RBPJ: variants seen among roughly 807,000 people sequenced by gnomAD.
RBPJ encodes the protein recombining binding protein suppressor of hairless.
Under a neutral mutation model 67.8 loss-of-function variants are expected in RBPJ, and 9 were observed. The ratio of observed to expected loss-of-function variants is 0.13; its 90% CI spans 0.08 to 0.23. The LOEUF (loss-of-function observed/expected upper bound fraction) is 0.23, where lower values mean the gene tolerates loss of function less well. Ranked by LOEUF, RBPJ falls within the 10% of genes least tolerant of loss-of-function variation. The probability of loss-of-function intolerance (pLI) is 1.00; values close to 1 mark genes in which losing one functional copy is unlikely to be tolerated. For missense variants in RBPJ, 305 were observed against 595.6 expected (o/e 0.51, Z 5.08); for synonymous variants, 198 against 203.3 (o/e 0.97, Z 0.22).
chr4:26,173,856 G>A (rs372267335), intron 1 of RBPJ, among the ~76,000 whole-genome samples: 1 of 152,228 alleles, frequency 6.6e-6, no homozygotes, highest in East Asian at 1.9e-4. Flanking sequence ...TGGGCAGCCG[G>A]AGCCCTGTGA....
intron 1 of RBPJ, among the ~76,000 whole-genome samples, chr4:26,286,271 G>A (rs1031219356): frequency 1.3e-5 from 2 of 151,908 alleles, no homozygotes; most frequent in African/African-American, 4.8e-5. Flanking sequence ...TTGAGCCCAG[G>A]AGTTTGAGAG....
In RBPJ at chr4:26,258,725, C is replaced by A. The variant is rs1295440453; in HGVS notation, c.-167+95111C>A. On this transcript the variant is annotated intron_variant, in intron 1 of 4. Transcript: ENST00000512351. ...AGAACTGAGGGTTTCGGGAATTTAA[C>A]CCTATCGATGCAGTCTTTTTTAGAT... Among the ~76,000 whole-genome samples the A allele has an allele frequency of 2.6e-5, 4 of 152,164 alleles. No homozygotes were observed. In the East Asian group the frequency reaches 7.7e-4, roughly 29 times the overall value.
chr4:26,372,772 G>A (rs1729294921), intron 1 of RBPJ, among the ~76,000 whole-genome samples: 1 of 152,156 alleles, frequency 6.6e-6, no homozygotes, highest in Non-Finnish European at 1.5e-5. Flanking sequence ...GTTTGTAGAA[G>A]CATTAATGAG....
chr4:26,418,934 G>T (rs1390609592), intron 4 of RBPJ, among the ~76,000 whole-genome samples: 1 of 152,118 alleles, frequency 6.6e-6, no homozygotes, highest in Non-Finnish European at 1.5e-5. Context: ...GAGATCTTGG[G>T]TGCAAGGAGT....
intron 1 of RBPJ, among the ~76,000 whole-genome samples, chr4:26,236,359 A>G (rs140385501): frequency 6.6e-6 from 1 of 152,348 alleles, no homozygotes; most frequent in African/African-American, 2.4e-5. Flanking sequence ...TTAGTGGCTT[A>G]AAACAATAGT....
At chr4:26,351,895 A>G (rs1032073135) in intron 1 of RBPJ, among the ~76,000 whole-genome samples, 6 of 152,162 alleles carry the variant, frequency 3.9e-5, no homozygotes, top group African/African-American at 9.6e-5. Context: ...TTCCATGGCT[A>G]TTAACTTCTA....
chr4:26,175,948 G>A (rs976458717), intron 1 of RBPJ, among the ~76,000 whole-genome samples: 4 of 152,182 alleles, frequency 2.6e-5, no homozygotes, highest in Non-Finnish European at 5.9e-5. Context: ...ACCCTAAGAG[G>A]GAAAGGTGTG....
chr4:26,250,111 T>A (rs1047492391), intron 1 of RBPJ, among the ~76,000 whole-genome samples: 2 of 151,462 alleles, frequency 1.3e-5, no homozygotes, highest in African/African-American at 4.9e-5. Flanking sequence ...TCATTCCAAA[T>A]AGAAACTCTG....
chr4:26,255,676 C>T (rs1233747380), intron 1 of RBPJ, among the ~76,000 whole-genome samples: 2 of 151,372 alleles, frequency 1.3e-5, no homozygotes, highest in Non-Finnish European at 2.9e-5. Context: ...GTGGCAGGTG[C>T]CTGTAGTCCC....
intron 1 of RBPJ, among the ~76,000 whole-genome samples, chr4:26,309,101 A>G (rs1003559015): frequency 6.7e-6 from 1 of 149,744 alleles, no homozygotes; most frequent in Admixed American, 6.7e-5. Context: ...TGGCACGATC[A>G]TGGCTCACTT....
At chr4:26,112,649 G>T in the RBPJ span, 2 of 136,740 alleles carry the variant, frequency 1.5e-5, no homozygotes, top group Admixed American at 1.6e-4. Flanking sequence ...AAAGCTCAAA[G>T]AACTCATTTG....
chr4:26,268,402 G>A (rs1560236780), intron 1 of RBPJ, among the ~76,000 whole-genome samples: 1 of 152,194 alleles, frequency 6.6e-6, no homozygotes, highest in Non-Finnish European at 1.5e-5. Flanking sequence ...GATGCCCTTA[G>A]GGAAGATACA....
chr4:26,192,692 G>A (rs539461299), intron 1 of RBPJ, among the ~76,000 whole-genome samples: 30 of 152,260 alleles, frequency 2.0e-4, no homozygotes, highest in East Asian at 9.6e-4. Flanking sequence ...ATGCAAACCC[G>A]GGAAGCCTGG....
intron 1 of RBPJ, among the ~76,000 whole-genome samples, chr4:26,301,942 G>A (rs112619259): frequency 0.025 from 3,754 of 152,026 alleles, 121 homozygotes; most frequent in African/African-American, 0.072. Context: ...ATAGGTGTGC[G>A]CCACCAGGCC....
upstream of RBPJ, chr4:26,319,878 G>T (rs1465809229): frequency 1.9e-6 from 3 of 1,600,986 alleles, no homozygotes; most frequent in Non-Finnish European, 2.6e-6. Context: ...GGGAAAGATG[G>T]GGGGCTGCAG....
chr4:26,375,768 C>T (rs754561187), intron 1 of RBPJ, among the ~76,000 whole-genome samples: 12 of 152,252 alleles, frequency 7.9e-5, no homozygotes, highest in Admixed American at 2.6e-4. Context: ...AAAGCAGGCA[C>T]GAAGCCCATC....
intron 1 of RBPJ, among the ~76,000 whole-genome samples, chr4:26,289,278 T>A (rs1721581843): frequency 6.8e-6 from 1 of 146,894 alleles, no homozygotes; most frequent in African/African-American, 2.5e-5. Context: ...GTGCCTGTGA[T>A]CCCAGCTACT....
chr4:26,153,520 G>A, the RBPJ span, among the ~76,000 whole-genome samples: 1 of 152,178 alleles, frequency 6.6e-6, no homozygotes, highest in African/African-American at 2.4e-5. Context: ...TGAGGGACCA[G>A]GATGTGGGTC....
chr4:26,356,351 T>A (rs895187473), intron 1 of RBPJ, among the ~76,000 whole-genome samples: 1 of 152,168 alleles, frequency 6.6e-6, no homozygotes, highest in African/African-American at 2.4e-5. Context: ...AGTAGCTAAG[T>A]AGAGTCAGAG....
Sources: gnomAD v4.1 joint callset for allele counts (sites outside exome capture counted in the v4.1 genomes callset) on GRCh38, gnomAD v4.1.1 for gene constraint, MANE v1.5 for transcripts, NCBI Gene and HGNC (gene_info 2026-07-23, HGNC 2026-07-21) for gene names.